The following CNOT10 variants were observed in gnomAD, a reference collection of about 807,000 sequenced individuals.
CNOT10 encodes the protein CCR4-NOT transcription complex subunit 10.
In CNOT10, 30 loss-of-function variants were observed where a neutral mutation model predicts 94.6. The observed-to-expected ratio is 0.32, with a 90% CI of 0.24 to 0.43. CNOT10 has a LOEUF of 0.43. CNOT10 is among the 20% of genes least tolerant of loss of function. The pLI, the probability that CNOT10 is intolerant of heterozygous loss-of-function variation, is 1.00. For synonymous variants in CNOT10, 289 were observed against 301.6 expected (o/e 0.96, Z 0.43); for missense variants, 759 against 877.2 (o/e 0.87, Z 1.70).
chr3:32,694,717 G>T (rs1559475430), intron 1 of CNOT10, among the ~76,000 whole-genome samples: 1 of 152,078 alleles, frequency 6.6e-6, no homozygotes, highest in Non-Finnish European at 1.5e-5. Flanking sequence ...AGCCTCCTGA[G>T]TAGCTGGGAT....
At chr3:32,704,030 G>T (rs1320579421) in intron 2 of CNOT10, 68 bp downstream of exon 2, 21 of 949,574 alleles carry the variant, frequency 2.2e-5, no homozygotes, top group Non-Finnish European at 3.3e-5. Context: ...TTTTCATAGT[G>T]AATTTTTAAA....
chr3:32,749,661 C>T (rs910339409), intron 13 of CNOT10, among the ~76,000 whole-genome samples: 4 of 152,056 alleles, frequency 2.6e-5, no homozygotes, highest in African/African-American at 4.8e-5. Flanking sequence ...CTGCCTGCCT[C>T]GGCCTCCCAA....
chr3:32,735,289 G>A (rs1699134662), intron 12 of CNOT10, among the ~76,000 whole-genome samples: 1 of 147,752 alleles, frequency 6.8e-6, no homozygotes, highest in Admixed American at 6.7e-5. Flanking sequence ...AGGTTGCAGC[G>A]AGCCGAGATT....
chr3:32,752,981 C>A (rs920454969), intron 13 of CNOT10: 1 of 464,254 alleles, frequency 2.2e-6, no homozygotes, highest in Non-Finnish European at 4.2e-6. Flanking sequence ...CTCTAATCGA[C>A]GAGGACCCCC....
chr3:32,770,012 T>C (rs769658251), intron 18 of CNOT10, 50 bp downstream of exon 18: 9 of 1,484,540 alleles, frequency 6.1e-6, no homozygotes, highest in Non-Finnish European at 8.4e-6. Flanking sequence ...GAGCCTGAGA[T>C]TTTTTGGTTG....
In CNOT10 at chr3:32,703,749, C is replaced by T. The variant is rs1431498110; in HGVS notation, c.23-119C>T. The T allele has an allele frequency of 6.2e-6, 4 of 645,414 alleles. No individual in the cohort carries two copies. The East Asian group carries it at 1.1e-4, about 17-fold the overall frequency. The allele number at this position is 645,414 out of a possible 1,614,324, so 40.0% of individuals were successfully genotyped here. On this transcript the variant is annotated intron_variant, in intron 1 of 18. Coordinates refer to ENST00000328834, the MANE Select transcript of CNOT10 (RefSeq NM_015442.3). ...AGAACTGCTTATTTCTGGAATTTTC[C>T]ATCTGATATTTTCATACTTGACCTT... is the stretch of plus-strand genomic sequence containing the variant.
At chr3:32,736,049 CTTTCT>C (rs1015578394) in intron 12 of CNOT10, among the ~76,000 whole-genome samples, 70 of 152,000 alleles carry the variant, frequency 4.6e-4, no homozygotes, top group Middle Eastern at 3.4e-3. Context: ...TTTTTTCTTT[CTTTCT>C]TTTCTTTTGT....
At chr3:32,702,838 G>A (rs757795042) in intron 1 of CNOT10, among the ~76,000 whole-genome samples, 2 of 151,966 alleles carry the variant, frequency 1.3e-5, no homozygotes, top group African/African-American at 4.8e-5. Flanking sequence ...TTTCAACTTG[G>A]CCATAGGAAC....
intron 15 of CNOT10, 143 bp downstream of exon 15, chr3:32,763,006 T>A: frequency 1.3e-6 from 1 of 762,552 alleles, no homozygotes. Flanking sequence ...TGTACTTACT[T>A]TGTAGCAGTT....
chr3:32,769,971 TTC>T lies in CNOT10; in HGVS notation c.2080+15_2080+16del, dbSNP rs760583480. On this transcript the variant is annotated intron_variant, in intron 18 of 18. Transcript: ENST00000328834. ...CCTTGAACTGCAGAATGGTGAGTAA[TTC>T]TCTCTGTTTAGGACTTTATCCCTTG... is the stretch of plus-strand genomic sequence containing the variant. 62 of 1,605,522 alleles carry T rather than the reference TTC, an allele frequency of 3.9e-5. No individual in the cohort carries two copies. Among genetic ancestry groups the T allele is most frequent in the Non-Finnish European group, 4.9e-5 (58 of 1,172,436 alleles).
chr3:32,688,327 A>C (rs1223241532), intron 1 of CNOT10, among the ~76,000 whole-genome samples: 1 of 152,148 alleles, frequency 6.6e-6, no homozygotes, highest in Admixed American at 6.6e-5. Flanking sequence ...GGCCAAGTGC[A>C]GTGGCTCACA....
intron 15 of CNOT10, among the ~76,000 whole-genome samples, 169 bp downstream of exon 15, chr3:32,763,032 C>T (rs1245224862): frequency 1.3e-5 from 2 of 152,176 alleles, no homozygotes; most frequent in African/African-American, 2.4e-5. Context: ...CTAAGTAGAC[C>T]TGAGAGTTAA....
At chr3:32,754,048 C>T in intron 13 of CNOT10, 3 of 443,656 alleles carry the variant, frequency 6.8e-6, no homozygotes, top group Non-Finnish European at 1.2e-5. Context: ...TGCAGTGAGC[C>T]AAGATCATGC....
chr3:32,761,539 C>T, intron 14 of CNOT10, among the ~76,000 whole-genome samples: 1 of 148,276 alleles, frequency 6.7e-6, no homozygotes. Context: ...ATTACAGGAG[C>T]CCACCACCAC....
intron 17 of CNOT10, among the ~76,000 whole-genome samples, chr3:32,767,043 C>T (rs754907332): frequency 6.6e-6 from 1 of 152,186 alleles, no homozygotes; most frequent in Non-Finnish European, 1.5e-5. Context: ...TAGACCTTTG[C>T]AGTTAGGAGA....
chr3:32,764,872 T>C, intron 17 of CNOT10, 63 bp downstream of exon 17: 3 of 1,584,862 alleles, frequency 1.9e-6, no homozygotes, highest in Non-Finnish European at 2.6e-6. Flanking sequence ...GAGGTTTATA[T>C]TTTTTGTTAC....
intron 13 of CNOT10, among the ~76,000 whole-genome samples, chr3:32,744,393 G>A (rs1051709802): frequency 2.0e-5 from 3 of 152,174 alleles, no homozygotes; most frequent in Admixed American, 6.6e-5. Flanking sequence ...CTAATATGCA[G>A]TAAATTATCA....
chr3:32,753,602 CA>C, intron 13 of CNOT10: 1 of 1,582,022 alleles, frequency 6.3e-7, no homozygotes. Flanking sequence ...GTGCCTACAC[CA>C]AAACAATTCA....
intron 10 of CNOT10, among the ~76,000 whole-genome samples, chr3:32,732,647 C>T (rs1410224625): frequency 6.6e-6 from 1 of 151,656 alleles, no homozygotes; most frequent in Non-Finnish European, 1.5e-5. Context: ...CACTATGTTG[C>T]CCAGGCTGGT....
Sources: gnomAD v4.1 joint callset for allele counts (sites outside exome capture counted in the v4.1 genomes callset) on GRCh38, gnomAD v4.1.1 for gene constraint, MANE v1.5 for transcripts, NCBI Gene and HGNC (gene_info 2026-07-23, HGNC 2026-07-21) for gene names.